LUZP2: variants seen among roughly 807,000 people sequenced by gnomAD.
The protein encoded by LUZP2 is leucine zipper protein 2.
In LUZP2, 52 loss-of-function variants were observed where a neutral mutation model predicts 51.6. The ratio of observed to expected loss-of-function variants is 1.01; its 90% confidence interval spans 0.81 to 1.27. The LOEUF is 1.27. Ranked by LOEUF, LUZP2 falls within the 50% of genes most tolerant of loss-of-function variation. The probability of loss-of-function intolerance (pLI) is 0.00; values close to 1 mark genes in which losing one functional copy is unlikely to be tolerated. For missense variants in LUZP2, 436 were observed against 395.4 expected, an observed-to-expected ratio of 1.10 and a Z score of -0.87; for synonymous variants, 154 against 137.3, an observed-to-expected ratio of 1.12 and a Z score of -0.85.
chr11:25,062,660 G>A (rs937252720), intron 10 of LUZP2, among the ~76,000 whole-genome samples: 1 of 146,716 alleles, frequency 6.8e-6, no homozygotes, highest in Non-Finnish European at 1.5e-5. Context: ...CAATAAAGTT[G>A]TGTGTCTTTC....
intron 1 of LUZP2, among the ~76,000 whole-genome samples, chr11:24,712,128 G>A (rs773055803): frequency 2.2e-4 from 33 of 152,120 alleles, no homozygotes; most frequent in Non-Finnish European, 4.0e-4. Context: ...GTTATAAACT[G>A]TGCTTAATTT....
At chr11:24,810,153 T>C (rs569963540) in intron 5 of LUZP2, among the ~76,000 whole-genome samples, 3 of 152,228 alleles carry the variant, frequency 2.0e-5, no homozygotes, top group African/African-American at 4.8e-5. Flanking sequence ...GATTTCAGAA[T>C]TGGGAACTAT....
chr11:24,664,575 A>G (rs1050718492), intron 1 of LUZP2, among the ~76,000 whole-genome samples: 2 of 152,086 alleles, frequency 1.3e-5, no homozygotes, highest in Non-Finnish European at 1.5e-5. Flanking sequence ...TAGGAGGGCA[A>G]AATGGTTTCC....
chr11:24,763,829 A>C (rs1007532994), intron 5 of LUZP2, among the ~76,000 whole-genome samples: 2 of 152,130 alleles, frequency 1.3e-5, no homozygotes, highest in Non-Finnish European at 2.9e-5. Context: ...TTGTTATACA[A>C]TTACTTTAAT....
intron 5 of LUZP2, among the ~76,000 whole-genome samples, chr11:24,861,913 G>GT (rs1405556152): frequency 6.6e-6 from 1 of 152,118 alleles, no homozygotes; most frequent in Non-Finnish European, 1.5e-5. Context: ...AAACAAGCCT[G>GT]TTTATGATAA....
intron 1 of LUZP2, among the ~76,000 whole-genome samples, chr11:24,567,528 C>A (rs1172204904): frequency 6.6e-6 from 1 of 151,814 alleles, no homozygotes; most frequent in Non-Finnish European, 1.5e-5. Context: ...GCCAGATACA[C>A]CATAGTCAAA....
At chr11:24,585,679 A>T (rs545967735) in intron 1 of LUZP2, among the ~76,000 whole-genome samples, 21 of 152,212 alleles carry the variant, frequency 1.4e-4, no homozygotes, top group African/African-American at 4.8e-4. Context: ...CTGAAGAAAA[A>T]ACATTTCTTA....
At chr11:24,594,763 T>C (rs1405912317) in intron 1 of LUZP2, among the ~76,000 whole-genome samples, 1 of 136,982 alleles carries the variant, frequency 7.3e-6, no homozygotes, top group Non-Finnish European at 1.6e-5. Context: ...TTTTTTTTTT[T>C]TTTTTTTTTT....
chr11:24,945,793 G>A (rs7481070), intron 7 of LUZP2, among the ~76,000 whole-genome samples: 15 of 151,648 alleles, frequency 9.9e-5, no homozygotes, highest in Admixed American at 2.0e-4. Context: ...TAGTTCTTAC[G>A]ATTTTTAAAA....
intron 7 of LUZP2, among the ~76,000 whole-genome samples, chr11:24,962,153 C>T (rs948117480): frequency 3.3e-5 from 5 of 151,970 alleles, no homozygotes; most frequent in Non-Finnish European, 5.9e-5. Flanking sequence ...GTGGGTAACC[C>T]AACCTTTCTC....
intron 1 of LUZP2, among the ~76,000 whole-genome samples, chr11:24,668,548 G>A (rs1441693177): frequency 6.6e-6 from 1 of 152,114 alleles, no homozygotes; most frequent in Non-Finnish European, 1.5e-5. Flanking sequence ...GGGACACTGA[G>A]CAAATTGGGA....
intron 1 of LUZP2, among the ~76,000 whole-genome samples, chr11:24,722,976 A>C (rs1490965836): frequency 6.6e-6 from 1 of 152,098 alleles, no homozygotes; most frequent in African/African-American, 2.4e-5. Context: ...AAATTATTTT[A>C]ATACTTTTAA....
At chr11:24,706,113 G>A (rs1182754397) in intron 1 of LUZP2, among the ~76,000 whole-genome samples, 1 of 152,086 alleles carries the variant, frequency 6.6e-6, no homozygotes, top group East Asian at 1.9e-4. Flanking sequence ...ATCAAGGAAG[G>A]AATAGTCGTA....
intron 1 of LUZP2, among the ~76,000 whole-genome samples, chr11:24,562,700 A>G (rs1852085199): frequency 2.8e-5 from 1 of 35,698 alleles, no homozygotes; most frequent in Non-Finnish European, 6.0e-5. Flanking sequence ...GAAAAAATAC[A>G]AAAAAAAAAA....
At chr11:24,662,961 T>C (rs1856069512) in intron 1 of LUZP2, among the ~76,000 whole-genome samples, 1 of 151,968 alleles carries the variant, frequency 6.6e-6, no homozygotes, top group African/African-American at 2.4e-5. Flanking sequence ...AATGATTCAG[T>C]TGTTTAGAAA....
rs575383736 is a variant in LUZP2, at chr11:24,986,510, C to T, written c.765+3217C>T. 7.4e-5 allele frequency among the ~76,000 whole-genome samples: 11 copies of T among 147,770 alleles called. No individual in the cohort carries two copies. The South Asian group carries it at 2.4e-3, about 32-fold the overall frequency. On this transcript the variant is annotated intron_variant, in intron 9 of 11. Transcript: ENST00000336930. ...ACACTATAAATCAGGGTCCTCCTAA[C>T]CCACAGAGCTAGTGAATAGCATGCC...
rs554026751 is a variant in LUZP2, at chr11:24,976,777, G to A, written c.597+112G>A. On this transcript the variant is annotated intron_variant, in intron 8 of 11. Transcript: ENST00000336930. Reference sequence around the variant, plus strand: ...TTCTTGATTTATTAATGTGTTTCTAGATGCTGTGTATATAAGATAGTTACA... The same window carrying A: ...TTCTTGATTTATTAATGTGTTTCTAAATGCTGTGTATATAAGATAGTTACA... 94 of 578,618 alleles carry A rather than the reference G, an allele frequency of 1.6e-4. 1 individual carries two copies. In the South Asian group the frequency reaches 2.3e-3, roughly 14 times the overall value. The allele number at this position is 578,618 out of a possible 1,614,324, so 35.8% of individuals were successfully genotyped here.
rs1429115612 is a variant in LUZP2 at position 24,648,098 on chromosome 11, T to C, written c.63-81071T>C. On this transcript the variant is annotated intron_variant, in intron 1 of 11. Coordinates refer to ENST00000336930, the MANE Select transcript of LUZP2 (RefSeq NM_001009909.4). ...TTTTGATCTCTAAGTGTTAGATTCA[T>C]GTTCAACACTGATGCAAAAAAAATG... Among the ~76,000 whole-genome samples, 5 of 152,124 alleles carry C rather than the reference T, an allele frequency of 3.3e-5. No homozygotes were observed. In the South Asian group the frequency reaches 6.2e-4, roughly 19 times the overall value.
chr11:24,540,150 A>G (rs1851312685), intron 1 of LUZP2, among the ~76,000 whole-genome samples: 1 of 152,080 alleles, frequency 6.6e-6, no homozygotes, highest in South Asian at 2.1e-4. Context: ...CATATTTTTA[A>G]AGGAAACATA....
Sources: gnomAD v4.1 joint callset for allele counts (sites outside exome capture counted in the v4.1 genomes callset) on GRCh38, gnomAD v4.1.1 for gene constraint, MANE v1.5 for transcripts, NCBI Gene and HGNC (gene_info 2026-07-23, HGNC 2026-07-21) for gene names.